Variants in INPP5D observed in about 807,000 individuals in gnomAD.
INPP5D encodes inositol polyphosphate-5-phosphatase D, also known as phosphatidylinositol 3,4,5-trisphosphate 5-phosphatase 1.
INPP5D carries 33 observed loss-of-function variants against 122.9 expected under a neutral mutation model. That is an observed-to-expected ratio of 0.27 (90% CI 0.20 to 0.36). The LOEUF (loss-of-function observed/expected upper bound fraction) is 0.36, where lower values mean the gene tolerates loss of function less well. Ranked by LOEUF, INPP5D falls within the 10% of genes least tolerant of loss-of-function variation. The pLI is 1.00. For missense variants in INPP5D, 1,053 were observed against 1,412.7 expected (o/e 0.75, Z 4.08); for synonymous variants, 584 against 576.2 (o/e 1.01, Z -0.19).
chr2:233,121,121 CTTTTTTTTTTTTCTTTTTTTT>C (rs1243055610), intron 2 of INPP5D, among the ~76,000 whole-genome samples: 1 of 117,652 alleles, frequency 8.5e-6, no homozygotes, highest in African/African-American at 3.1e-5. Context: ...TTCTTTCTTT[CTTTTTTTTTTTTCTTTTTTTT>C]TTTTTTTGAG....
chr2:233,156,877 C>G (rs1400365866), intron 9 of INPP5D, among the ~76,000 whole-genome samples: 1 of 152,146 alleles, frequency 6.6e-6, no homozygotes, highest in African/African-American at 2.4e-5. Context: ...GGAGCCCTCC[C>G]GAAATCTAAG....
chr2:233,113,133 C>T (rs1021169417), intron 2 of INPP5D, among the ~76,000 whole-genome samples: 6 of 152,172 alleles, frequency 3.9e-5, no homozygotes, highest in South Asian at 2.1e-4. Context: ...GGGTAATCCC[C>T]TTCTTGGATT....
At chr2:233,068,695 A>C (rs1691296201) in intron 1 of INPP5D, among the ~76,000 whole-genome samples, 1 of 152,214 alleles carries the variant, frequency 6.6e-6, no homozygotes, top group South Asian at 2.1e-4. Flanking sequence ...AGAACATTCC[A>C]TACAGAGGAG....
intron 6 of INPP5D, among the ~76,000 whole-genome samples, chr2:233,142,947 C>T (rs1693661442): frequency 6.6e-6 from 1 of 152,044 alleles, no homozygotes; most frequent in South Asian, 2.1e-4. Flanking sequence ...CCATTAGCAT[C>T]CCCCAGCTGT....
At chr2:233,157,049 C>T (rs145742767) in intron 9 of INPP5D, among the ~76,000 whole-genome samples, 52,802 of 152,042 alleles carry the variant, frequency 0.35, 11,339 homozygotes, top group Non-Finnish European at 0.48. Flanking sequence ...TTCCAGAGTC[C>T]GGAGGAGAAT....
chr2:233,179,322 T>C (rs543977463), intron 18 of INPP5D, among the ~76,000 whole-genome samples: 37 of 152,386 alleles, frequency 2.4e-4, no homozygotes, highest in Admixed American at 5.2e-4. Flanking sequence ...CTGTCAATAC[T>C]GTCCTTCCCA....
chr2:233,170,845 G>A lies in INPP5D; in HGVS notation c.1901-219G>A, dbSNP rs1366299172. 6.7e-6 allele frequency among the ~76,000 whole-genome samples: 1 copy of A among 148,322 alleles called. No individual in the cohort carries two copies. The highest frequency in any genetic ancestry group is 1.5e-5 in the Non-Finnish European group (1 of 67,618). ...GGTGTGAACCAGGGAGGCAGAGCTT[G>A]CAGTGAGCCAAGATCGCGCCACTGC... On this transcript the variant is annotated intron_variant, in intron 16 of 26. Transcript: ENST00000445964. The surrounding 1 kb of genome is among the most constrained non-coding windows in gnomAD (Gnocchi z 4.5).
chr2:233,186,362 C>T (rs1694914499), intron 21 of INPP5D, among the ~76,000 whole-genome samples: 1 of 152,102 alleles, frequency 6.6e-6, no homozygotes, highest in Non-Finnish European at 1.5e-5. Flanking sequence ...TACAAAGAGG[C>T]ATAGAGAGGG....
intron 2 of INPP5D, among the ~76,000 whole-genome samples, chr2:233,083,856 C>T (rs2106214212): frequency 6.6e-6 from 1 of 152,296 alleles, no homozygotes. Context: ...TTCGGCTCCA[C>T]CCTACAACCT....
At chr2:233,109,412 C>T (rs1044529395) in intron 2 of INPP5D, among the ~76,000 whole-genome samples, 3 of 152,186 alleles carry the variant, frequency 2.0e-5, no homozygotes, top group Non-Finnish European at 4.4e-5. Flanking sequence ...CTGTAATTGA[C>T]CTTTTTATTA....
chr2:233,119,621 CAT>C (rs769821177), intron 2 of INPP5D, among the ~76,000 whole-genome samples: 2 of 152,184 alleles, frequency 1.3e-5, no homozygotes, highest in African/African-American at 2.4e-5. Context: ...CACACACACA[CAT>C]ACGCCCAGGC....
chr2:233,163,865 C>T lies in INPP5D; in HGVS notation c.1399C>T (p.His467Tyr). ...SEKEWLEILK[H>Y]SLQEITSVTF... Reference sequence around the variant, plus strand: ...GAAGGAGTGGCTGGAGATCCTCAAACACTCCCTGCAAGAAATCACCAGTGT... The same window carrying T: ...GAAGGAGTGGCTGGAGATCCTCAAATACTCCCTGCAAGAAATCACCAGTGT... The change falls in exon 12 of 27, where the codon CAC becomes TAC. Residue 467 changes from histidine (H) to tyrosine (Y), a missense_variant. This residue lies in a region of INPP5D where 105 missense variants were observed against 199.8 expected (regional missense o/e 0.53). Coordinates refer to ENST00000445964, the MANE Select transcript of INPP5D (RefSeq NM_001017915.3). 1.9e-6 allele frequency: 3 copies of T among 1,613,914 alleles called. No individual in the cohort carries two copies. Among genetic ancestry groups the T allele is most frequent in the Non-Finnish European group, 2.5e-6 (3 of 1,179,868 alleles).
In INPP5D at chr2:233,170,632, G is replaced by C. The variant is rs550648645; in HGVS notation, c.1900+28G>C. On this transcript the variant is annotated intron_variant, in intron 16 of 26. Transcript: ENST00000445964. This position sits in a 1 kb window ranked among gnomAD's most constrained non-coding sequence, Gnocchi z 4.5. ...AAGAGCAGCAACCCCGGCTGGGAGC[G>C]GTGGCTCACACCTGTAATCCCAGCA... The C allele has an allele frequency of 1.9e-6, 3 of 1,609,246 alleles. No homozygotes were observed. The highest frequency in any genetic ancestry group is 2.5e-6 in the Non-Finnish European group (3 of 1,177,680).
At position 233,204,236 on chromosome 2, in the gene INPP5D, C is replaced by G; in HGVS notation, c.3086C>G (p.Pro1029Arg). Residue 1029 changes from proline (P) to arginine (R), a missense_variant, in exon 26 of 27, where the codon CCT becomes CGT. By Grantham distance (103) the Pro-to-Arg change is moderately radical. Transcript: ENST00000445964. Reference sequence around the variant, plus strand: ...CTGTATGGGTCCCTGAGTTCCTTCCCTAAGCCTGCTCCCAGGAAGGACCAG... The same window carrying G: ...CTGTATGGGTCCCTGAGTTCCTTCCGTAAGCCTGCTCCCAGGAAGGACCAG... ...NPLYGSLSSFPKPAPRKDQES... is the reference protein window; with the variant it reads ...NPLYGSLSSFRKPAPRKDQES... 6.2e-7 allele frequency: 1 copy of G among 1,613,590 alleles called. No homozygotes were observed.
chr2:233,098,164 A>G (rs6437091), intron 2 of INPP5D, among the ~76,000 whole-genome samples: 106,672 of 151,548 alleles, frequency 0.7, 37,739 homozygotes, highest in Middle Eastern at 0.79. Flanking sequence ...AAGTGCTGGG[A>G]TCACAGGGAT....
chr2:233,113,574 C>T (rs1692692365), intron 2 of INPP5D, among the ~76,000 whole-genome samples: 1 of 152,138 alleles, frequency 6.6e-6, no homozygotes, highest in African/African-American at 2.4e-5. Context: ...CTCAAAAGCT[C>T]TTCCCAAATC....
At position 233,170,965 on chromosome 2, in the gene INPP5D, C is replaced by G; in HGVS notation, c.1901-99C>G. 17 of 1,474,760 alleles carry G rather than the reference C, an allele frequency of 1.2e-5. No homozygotes were observed. Among genetic ancestry groups the G allele is most frequent in the Non-Finnish European group, 1.6e-5 (17 of 1,087,234 alleles). 91.4% of individuals were successfully genotyped at this position (1,474,760 alleles called of 1,614,324 possible). A position where few individuals can be genotyped will look rare whatever the true frequency, so the allele number is the denominator to read the frequency against. On this transcript the variant is annotated intron_variant, in intron 16 of 26. Coordinates refer to ENST00000445964, the MANE Select transcript of INPP5D (RefSeq NM_001017915.3). This position sits in a 1 kb window ranked among gnomAD's most constrained non-coding sequence, Gnocchi z 4.5. ...CTTGGAGCCTTTCCAGCCATCCTTTCGTCCCCTTTCCCCTGATTTCCTACC... is the reference window on the plus strand; with the variant it reads ...CTTGGAGCCTTTCCAGCCATCCTTTGGTCCCCTTTCCCCTGATTTCCTACC...
chr2:233,095,254 T>C lies in INPP5D; in HGVS notation c.198+15856T>C, dbSNP rs182979138. ...TAGATTATATACACAAGATTGCACA[T>C]ACATAAGAGTGTTGAGATAGAACTT... is the stretch of plus-strand genomic sequence containing the variant. On this transcript the variant is annotated intron_variant, in intron 2 of 26. Transcript: ENST00000445964. Among the ~76,000 whole-genome samples, 263 of 152,316 alleles carry C rather than the reference T, an allele frequency of 1.7e-3. 1 individual carries two copies. The Middle Eastern group carries it at 0.02, about 12-fold the overall frequency.
chr2:233,125,935 A>G lies in INPP5D; in HGVS notation c.524+16A>G, dbSNP rs749957200. 1 of 1,609,584 alleles carries G rather than the reference A, an allele frequency of 6.2e-7. No homozygotes were observed. Among genetic ancestry groups the G allele is most frequent in the Non-Finnish European group, 8.5e-7 (1 of 1,177,566 alleles). ...ACACCAGTGGGTGAGTCCCCACTCAAGTCCAGCTGGGCCTTCATCTGCAGT... is the reference window on the plus strand; with the variant it reads ...ACACCAGTGGGTGAGTCCCCACTCAGGTCCAGCTGGGCCTTCATCTGCAGT... On this transcript the variant is annotated intron_variant, in intron 4 of 26. Transcript: ENST00000445964.
Sources: gnomAD v4.1 joint callset for allele counts (sites outside exome capture counted in the v4.1 genomes callset) on GRCh38, gnomAD v4.1.1 for gene constraint, gnomAD v4.1.1 regional missense constraint, Gnocchi (gnomAD v3.1) non-coding constraint, MANE v1.5 for transcripts, NCBI Gene and HGNC (gene_info 2026-07-23, HGNC 2026-07-21) for gene names.